RFTN2: variants seen among roughly 807,000 people sequenced by gnomAD.
The protein encoded by RFTN2 is raftlin family member 2.
Under a neutral mutation model 52.7 loss-of-function variants are expected in RFTN2, and 34 were observed. That is an observed-to-expected ratio of 0.64 (90% confidence interval 0.49 to 0.86). The LOEUF (loss-of-function observed/expected upper bound fraction) is 0.86. RFTN2 is among the 40% of genes least tolerant of loss of function. The pLI is 0.00. For synonymous variants in RFTN2, 203 were observed against 217.7 expected, an observed-to-expected ratio of 0.93 and a Z score of 0.59; for missense variants, 536 against 600.1, an observed-to-expected ratio of 0.89 and a Z score of 1.12.
At position 197,610,882 on chromosome 2, in the gene RFTN2, T is replaced by G. The variant is rs1318338818; in HGVS notation, c.1154+4994A>C. On this transcript the variant is annotated intron_variant, in intron 7 of 8. Transcript: ENST00000295049. ...TCTATTGAGATAATCATGTGTTTTTTGTCATTGGTTCTGTTTATGTGATGG... is the reference window on the plus strand; with the variant it reads ...TCTATTGAGATAATCATGTGTTTTTGGTCATTGGTTCTGTTTATGTGATGG... Among the ~76,000 whole-genome samples the G allele has an allele frequency of 3.3e-5, 5 of 152,268 alleles. No homozygotes were observed. In the East Asian group the frequency reaches 7.7e-4, roughly 23 times the overall value.
intron 1 of RFTN2, among the ~76,000 whole-genome samples, chr2:197,673,508 T>C (rs1350619956): frequency 6.6e-6 from 1 of 152,188 alleles, no homozygotes; most frequent in Non-Finnish European, 1.5e-5. Flanking sequence ...ACTAGGCGCC[T>C]GTACCAAATA....
At chr2:197,615,717 A>G (rs2088130468) in intron 7 of RFTN2, among the ~76,000 whole-genome samples, 159 bp downstream of exon 7, 2 of 152,200 alleles carry the variant, frequency 1.3e-5, no homozygotes, top group African/African-American at 4.8e-5. Flanking sequence ...AATGCCAAGG[A>G]CTATATTTAC....
chr2:197,580,420 G>A (rs2087486941), intron 8 of RFTN2, among the ~76,000 whole-genome samples: 2 of 152,218 alleles, frequency 1.3e-5, no homozygotes, highest in South Asian at 2.1e-4. Flanking sequence ...CTGGGCCAAG[G>A]AATGCCCGCA....
intron 7 of RFTN2, among the ~76,000 whole-genome samples, chr2:197,599,657 A>G (rs2087850450): frequency 6.6e-6 from 1 of 152,080 alleles, no homozygotes; most frequent in Admixed American, 6.5e-5. Flanking sequence ...TGTATGTTTG[A>G]AATAGGATTC....
rs764345696 is a variant in RFTN2, at chr2:197,646,655, G to T, written c.151C>A (p.Pro51Thr). 2 of 1,609,636 alleles carry T rather than the reference G, an allele frequency of 1.2e-6. No individual in the cohort carries two copies. The highest frequency in any genetic ancestry group is 2.2e-5 in the South Asian group (2 of 90,494). Residue 51 changes from proline to threonine, a missense_variant, in exon 2 of 9, where the codon CCA becomes ACA. Physicochemically the swap from Pro to Thr is conservative, Grantham distance 38. Coordinates refer to ENST00000295049, the MANE Select transcript of RFTN2 (RefSeq NM_144629.3). Reference sequence around the variant, plus strand: ...ATTGAATTTATCTTGATGACTTCTGGGTTTGATGAAGCTGAAATATCAAAA... The same window carrying T: ...ATTGAATTTATCTTGATGACTTCTGTGTTTGATGAAGCTGAAATATCAAAA... ...LDFTLQASSN[P>T]EVIKINSILD...
In RFTN2 at chr2:197,571,281, T is replaced by G. The variant is rs1441370197; in HGVS notation, c.*727A>C. The stretch of plus-strand genomic sequence containing the variant: ...TAAATCTTACTCTCTACTAAGGTAT[T>G]TATGTATTGAGATTATGGGTTCTTT... On this transcript the variant is annotated 3_prime_UTR_variant, in exon 9 of 9. Coordinates refer to ENST00000295049, the MANE Select transcript of RFTN2 (RefSeq NM_144629.3). 6.6e-6 allele frequency: 1 copy of G among 152,252 alleles called. No individual in the cohort carries two copies. Among genetic ancestry groups the G allele is most frequent in the African/African-American group, 2.4e-5 (1 of 41,446 alleles). 9.4% of individuals were successfully genotyped at this position (152,252 alleles called of 1,614,324 possible). A position where few individuals can be genotyped will look rare whatever the true frequency, so the allele number is the denominator to read the frequency against.
In RFTN2 at chr2:197,569,613, A is replaced by C; in HGVS notation, c.*2395T>G. 6.6e-6 allele frequency: 1 copy of C among 152,342 alleles called. No individual in the cohort carries two copies. Among genetic ancestry groups the C allele is most frequent in the Non-Finnish European group, 1.5e-5 (1 of 68,038 alleles). 9.4% of individuals were successfully genotyped at this position (152,342 alleles called of 1,614,324 possible). ...AATAAACGGGAGGGGAGAAAAAAAT[A>C]AACTGAGAAAGTATGCTTACACAAA... On this transcript the variant is annotated 3_prime_UTR_variant, in exon 9 of 9. Coordinates refer to ENST00000295049, the MANE Select transcript of RFTN2 (RefSeq NM_144629.3).
At chr2:197,588,160 T>C (rs2087631483) in intron 8 of RFTN2, 1 of 383,914 alleles carries the variant, frequency 2.6e-6, no homozygotes, top group Admixed American at 3.7e-5. Context: ...CACCTATAAT[T>C]CCATCTCCCA....
chr2:197,599,685 C>T (rs1486490730), intron 7 of RFTN2, among the ~76,000 whole-genome samples: 1 of 152,052 alleles, frequency 6.6e-6, no homozygotes, highest in Non-Finnish European at 1.5e-5. Flanking sequence ...CAGCGTTCTA[C>T]TTGATATTTA....
intron 7 of RFTN2, among the ~76,000 whole-genome samples, chr2:197,605,598 T>G (rs1179654488): frequency 1.3e-5 from 2 of 152,232 alleles, no homozygotes. Flanking sequence ...TGCACTTTTC[T>G]GACATTGCTT....
At chr2:197,597,175 C>A (rs915688260) in intron 7 of RFTN2, among the ~76,000 whole-genome samples, 3 of 152,176 alleles carry the variant, frequency 2.0e-5, no homozygotes, top group African/African-American at 7.2e-5. Context: ...TGAGAAATAT[C>A]AAATCTTCCT....
chr2:197,634,156 T>C (rs1018253584), intron 3 of RFTN2, among the ~76,000 whole-genome samples, 159 bp from the exon 4 acceptor site: 4 of 152,090 alleles, frequency 2.6e-5, no homozygotes, highest in East Asian at 1.9e-4. Context: ...ACCTGTAAAA[T>C]AGCACTGCCC....
At chr2:197,586,223 T>C (rs1027451108) in intron 8 of RFTN2, among the ~76,000 whole-genome samples, 1 of 152,186 alleles carries the variant, frequency 6.6e-6, no homozygotes, top group Non-Finnish European at 1.5e-5. Context: ...CTTGTTTACT[T>C]ATACCCAGCC....
At chr2:197,616,735 T>G (rs959099621) in intron 6 of RFTN2, among the ~76,000 whole-genome samples, 1 of 152,152 alleles carries the variant, frequency 6.6e-6, no homozygotes, top group African/African-American at 2.4e-5. Context: ...GAGAGGCGCT[T>G]GGGTGTGGGG....
At chr2:197,584,771 A>C (rs1346733586) in intron 8 of RFTN2, among the ~76,000 whole-genome samples, 3 of 152,208 alleles carry the variant, frequency 2.0e-5, no homozygotes, top group East Asian at 3.9e-4. Context: ...ACATGGACGC[A>C]CTTTCTTGCT....
intron 8 of RFTN2, among the ~76,000 whole-genome samples, chr2:197,578,896 A>G (rs2087461354): frequency 6.6e-6 from 1 of 152,158 alleles, no homozygotes; most frequent in Admixed American, 6.5e-5. Flanking sequence ...AACCAGCCCA[A>G]GGAACATCTC....
intron 3 of RFTN2, among the ~76,000 whole-genome samples, chr2:197,642,794 G>T (rs190229806): frequency 8.5e-5 from 13 of 152,208 alleles, no homozygotes; most frequent in African/African-American, 3.1e-4. Context: ...GACTAGCCTG[G>T]GCAATACAGA....
chr2:197,672,984 A>C (rs746904442), intron 1 of RFTN2, among the ~76,000 whole-genome samples: 22 of 152,306 alleles, frequency 1.4e-4, no homozygotes, highest in Non-Finnish European at 2.6e-4. Context: ...TGTTCTAGAA[A>C]GTTATAACCA....
intron 3 of RFTN2, among the ~76,000 whole-genome samples, chr2:197,634,547 G>A (rs1441432007): frequency 6.6e-6 from 1 of 151,872 alleles, no homozygotes; most frequent in South Asian, 2.1e-4. Flanking sequence ...CTTTCTGATC[G>A]GCTTATGTCT....
Sources: allele counts gnomAD v4.1 joint callset (sites outside exome capture counted in the v4.1 genomes callset), GRCh38; gene constraint gnomAD v4.1.1; transcripts MANE v1.5; gene names NCBI Gene and HGNC (gene_info 2026-07-23, HGNC 2026-07-21).